The following ADAMTSL1 variants were observed in gnomAD, a reference collection of about 807,000 sequenced individuals.
ADAMTSL1 encodes the protein ADAMTS like 1.
Under a neutral mutation model 201.8 loss-of-function variants are expected in ADAMTSL1, and 126 were observed. The ratio of observed to expected loss-of-function variants is 0.62; its 90% CI spans 0.54 to 0.72. The LOEUF is 0.72. ADAMTSL1 is among the 30% of genes least tolerant of loss of function. The probability of loss-of-function intolerance (pLI) is 0.00; values close to 1 mark genes in which losing one functional copy is unlikely to be tolerated. For synonymous variants in ADAMTSL1, 1,121 were observed against 903.4 expected (o/e 1.24, Z -4.32); for missense variants, 2,679 against 2,277.8 (o/e 1.18, Z -3.59).
At chr9:18,573,500 A>G (rs1251893544) in intron 3 of ADAMTSL1, 1 of 156,210 alleles carries the variant, frequency 6.4e-6, no homozygotes, top group Non-Finnish European at 1.4e-5. Flanking sequence ...CCCATGTTTA[A>G]TTCTAGATAC....
At chr9:18,674,789 T>C (rs375468495) in intron 9 of ADAMTSL1, among the ~76,000 whole-genome samples, 3 of 152,172 alleles carry the variant, frequency 2.0e-5, no homozygotes, top group African/African-American at 7.2e-5. Flanking sequence ...ATTTATCAGT[T>C]GCAAAATAAG....
chr9:18,859,267 C>G lies in ADAMTSL1; in HGVS notation c.4250-28564C>G, dbSNP rs1827061109. On this transcript the variant is annotated intron_variant, in intron 23 of 28. Coordinates refer to ENST00000380548, the MANE Select transcript of ADAMTSL1 (RefSeq NM_001040272.6). ...GAAATATATTCGTCTTTTCCAGCTC[C>G]TCAAAGCCACCTGCATCCCTTGGCT... Among the ~76,000 whole-genome samples, 4 of 152,196 alleles carry G rather than the reference C, an allele frequency of 2.6e-5. No individual in the cohort carries two copies. In the South Asian group the frequency reaches 8.3e-4, roughly 32 times the overall value.
chr9:18,305,358 T>C (rs1401864560), intron 2 of ADAMTSL1, among the ~76,000 whole-genome samples: 1 of 152,098 alleles, frequency 6.6e-6, no homozygotes, highest in Non-Finnish European at 1.5e-5. Flanking sequence ...TGAGACAGAA[T>C]CGTTCACTCT....
chr9:18,225,122 T>G (rs990509986), intron 2 of ADAMTSL1, among the ~76,000 whole-genome samples: 5 of 152,212 alleles, frequency 3.3e-5, no homozygotes, highest in African/African-American at 1.2e-4. Context: ...TAATAGGCTC[T>G]GAAGGAAGGT....
At chr9:18,291,751 A>T (rs546279278) in intron 2 of ADAMTSL1, among the ~76,000 whole-genome samples, 209 of 119,466 alleles carry the variant, frequency 1.7e-3, no homozygotes, top group South Asian at 5.3e-3. Context: ...TCTCTCTCAC[A>T]CACACACACA....
At chr9:18,710,139 T>C (rs1233768429) in intron 14 of ADAMTSL1, among the ~76,000 whole-genome samples, 2 of 152,036 alleles carry the variant, frequency 1.3e-5, no homozygotes, top group South Asian at 2.1e-4. Flanking sequence ...CTTCCCACAC[T>C]CCCAGTTCCA....
intron 9 of ADAMTSL1, among the ~76,000 whole-genome samples, chr9:18,663,178 CTTTATA>C (rs1227944219): frequency 1.3e-5 from 2 of 152,000 alleles, no homozygotes; most frequent in African/African-American, 2.4e-5. Context: ...ACTCTTTTAT[CTTTATA>C]TTTATGACTG....
chr9:18,568,170 C>T (rs1822060157), intron 3 of ADAMTSL1, among the ~76,000 whole-genome samples: 1 of 152,092 alleles, frequency 6.6e-6, no homozygotes, highest in Non-Finnish European at 1.5e-5. Flanking sequence ...GCGAGGAGGT[C>T]TGAGTTGCAA....
chr9:18,796,569 G>T (rs1459350892), intron 20 of ADAMTSL1: 6 of 152,246 alleles, frequency 3.9e-5, no homozygotes, highest in African/African-American at 1.4e-4. Flanking sequence ...CTACCCCCTT[G>T]CATATCTGTT....
At chr9:18,356,419 T>C (rs1836231064) in intron 2 of ADAMTSL1, among the ~76,000 whole-genome samples, 1 of 151,546 alleles carries the variant, frequency 6.6e-6, no homozygotes, top group Admixed American at 6.6e-5. Flanking sequence ...TCCTCACTAC[T>C]TGGGATGCTA....
intron 13 of ADAMTSL1, among the ~76,000 whole-genome samples, chr9:18,700,568 A>C (rs2570569): frequency 6.6e-6 from 1 of 151,884 alleles, no homozygotes; most frequent in African/African-American, 2.4e-5. Context: ...TTAATGTCTC[A>C]AGGATTGCCC....
At chr9:18,903,972 T>C (rs1350883958) in intron 26 of ADAMTSL1, among the ~76,000 whole-genome samples, 1 of 152,132 alleles carries the variant, frequency 6.6e-6, no homozygotes, top group Non-Finnish European at 1.5e-5. Flanking sequence ...CACTTTTTTT[T>C]TTTAGAGATG....
At chr9:18,728,366 T>C (rs1337838766) in intron 15 of ADAMTSL1, among the ~76,000 whole-genome samples, 2 of 152,174 alleles carry the variant, frequency 1.3e-5, no homozygotes, top group Non-Finnish European at 2.9e-5. Flanking sequence ...TAATTCTGCC[T>C]AGACTCTGGG....
At chr9:18,185,468 C>T (rs1828691943) in intron 2 of ADAMTSL1, among the ~76,000 whole-genome samples, 1 of 152,116 alleles carries the variant, frequency 6.6e-6, no homozygotes, top group African/African-American at 2.4e-5. Flanking sequence ...TGCACACGGT[C>T]CTGACCCACA....
intron 20 of ADAMTSL1, among the ~76,000 whole-genome samples, chr9:18,805,551 C>G (rs1162540211): frequency 6.6e-6 from 1 of 152,208 alleles, no homozygotes; most frequent in African/African-American, 2.4e-5. Flanking sequence ...CATTTACTTA[C>G]TCCTCTCAGC....
chr9:18,583,183 G>T (rs1435719716), intron 4 of ADAMTSL1, among the ~76,000 whole-genome samples: 2 of 152,202 alleles, frequency 1.3e-5, no homozygotes, highest in Non-Finnish European at 2.9e-5. Context: ...ACAGGCAGGA[G>T]GAAAAAGTGG....
At chr9:18,317,793 C>A (rs1309409800) in intron 2 of ADAMTSL1, among the ~76,000 whole-genome samples, 2 of 152,184 alleles carry the variant, frequency 1.3e-5, no homozygotes, top group Non-Finnish European at 2.9e-5. Flanking sequence ...ACAGTTGGGA[C>A]AAGATTGGGA....
At chr9:18,137,720 A>G (rs1172005729) in intron 1 of ADAMTSL1, among the ~76,000 whole-genome samples, 1 of 152,218 alleles carries the variant, frequency 6.6e-6, no homozygotes, top group Non-Finnish European at 1.5e-5. Flanking sequence ...TGGAATGCCT[A>G]CAGTTGTAGA....
chr9:17,964,082 C>G (rs920187899), intron 1 of ADAMTSL1, among the ~76,000 whole-genome samples: 2 of 152,086 alleles, frequency 1.3e-5, no homozygotes, highest in Non-Finnish European at 2.9e-5. Context: ...ACCATGTTTC[C>G]TTGACCACCT....
Sources: gnomAD v4.1 joint callset for allele counts (sites outside exome capture counted in the v4.1 genomes callset) on GRCh38, gnomAD v4.1.1 for gene constraint, MANE v1.5 for transcripts, NCBI Gene and HGNC (gene_info 2026-07-23, HGNC 2026-07-21) for gene names.